Variants in ERBB4 observed in about 807,000 individuals in gnomAD.
ERBB4 encodes receptor tyrosine-protein kinase erbB-4.
In ERBB4, 42 loss-of-function variants were observed where a neutral mutation model predicts 158.0. That is an observed-to-expected ratio of 0.27 (90% CI 0.21 to 0.34). The LOEUF is 0.34. ERBB4 is among the 10% of genes least tolerant of loss of function. ERBB4 has a pLI of 1.00. For missense variants in ERBB4, 1,333 were observed against 1,624.1 expected, an observed-to-expected ratio of 0.82 and a Z score of 3.08; for synonymous variants, 583 against 558.7, an observed-to-expected ratio of 1.04 and a Z score of -0.61.
intron 4 of ERBB4, among the ~76,000 whole-genome samples, chr2:211,785,918 A>G (rs1356794348): frequency 1.3e-5 from 2 of 151,960 alleles, no homozygotes; most frequent in Admixed American, 1.3e-4. Flanking sequence ...TTTTGTGCTC[A>G]TTTTTTCTTC....
At chr2:212,140,364 T>C (rs879453885) in intron 1 of ERBB4, among the ~76,000 whole-genome samples, 8 of 120,616 alleles carry the variant, frequency 6.6e-5, no homozygotes, top group Non-Finnish European at 1.1e-4. Flanking sequence ...ATAATATATA[T>C]AGTAATATCT....
At chr2:212,111,749 A>G (rs898633547) in intron 2 of ERBB4, among the ~76,000 whole-genome samples, 1 of 152,054 alleles carries the variant, frequency 6.6e-6, no homozygotes, top group African/African-American at 2.4e-5. Context: ...CCCTTTTTTA[A>G]AAAAATACCA....
intron 2 of ERBB4, among the ~76,000 whole-genome samples, chr2:212,037,797 A>T (rs2077049732): frequency 6.6e-6 from 1 of 152,214 alleles, no homozygotes; most frequent in African/African-American, 2.4e-5. Context: ...TCTAATAGAC[A>T]TTAAATAACT....
intron 2 of ERBB4, among the ~76,000 whole-genome samples, chr2:211,950,076 G>A (rs1575423837): frequency 6.6e-6 from 1 of 152,010 alleles, no homozygotes; most frequent in African/African-American, 2.4e-5. Flanking sequence ...AATGCCTGTG[G>A]AGTGAAGAAA....
At chr2:211,514,079 C>A (rs570481721) in intron 20 of ERBB4, among the ~76,000 whole-genome samples, 137 of 152,214 alleles carry the variant, frequency 9.0e-4, no homozygotes, top group Non-Finnish European at 1.6e-3. Flanking sequence ...CTTATTCTTT[C>A]TATCTAACTG....
At chr2:212,381,712 T>C (rs1230784329) in intron 1 of ERBB4, among the ~76,000 whole-genome samples, 1 of 151,330 alleles carries the variant, frequency 6.6e-6, no homozygotes, top group Non-Finnish European at 1.5e-5. Flanking sequence ...TTGAGCTGTC[T>C]AGGCATCACT....
At chr2:211,406,529 T>G (rs1056595737) in intron 25 of ERBB4, among the ~76,000 whole-genome samples, 2 of 152,130 alleles carry the variant, frequency 1.3e-5, no homozygotes, top group Non-Finnish European at 2.9e-5. Flanking sequence ...CTCACTGATA[T>G]ACTCATCTTT....
At chr2:211,416,425 C>T (rs1559145716) in intron 25 of ERBB4, among the ~76,000 whole-genome samples, 1 of 151,986 alleles carries the variant, frequency 6.6e-6, no homozygotes, top group Non-Finnish European at 1.5e-5. Flanking sequence ...GAAAAGAAGG[C>T]CGCAATGGAA....
chr2:211,662,038 C>CAAAAAAAAAAAAAAAAAAAAAAAAAAA (rs61318918), intron 15 of ERBB4, among the ~76,000 whole-genome samples: 1 of 39,694 alleles, frequency 2.5e-5, no homozygotes, highest in South Asian at 1.2e-3. Context: ...GACTCCGTCT[C>CAAAAAAAAAAAAAAAAAAAAAAAAAAA]AAAAAAAAAA....
chr2:211,486,409 A>G (rs1018935610), intron 20 of ERBB4, among the ~76,000 whole-genome samples: 5 of 152,172 alleles, frequency 3.3e-5, no homozygotes, highest in African/African-American at 9.6e-5. Flanking sequence ...ATTCTAACAC[A>G]TTTAAAACTT....
chr2:212,043,436 G>A (rs1295929122), intron 2 of ERBB4, among the ~76,000 whole-genome samples: 3 of 152,054 alleles, frequency 2.0e-5, no homozygotes, highest in Non-Finnish European at 1.5e-5. Context: ...GCAAAGAGGA[G>A]GCAATACATT....
intron 2 of ERBB4, among the ~76,000 whole-genome samples, chr2:212,045,663 T>C (rs914386620): frequency 2.6e-5 from 4 of 152,104 alleles, no homozygotes; most frequent in African/African-American, 9.7e-5. Context: ...AGTACCAACA[T>C]GAAACGTCAA....
At chr2:212,151,468 T>C (rs751140398) in intron 1 of ERBB4, among the ~76,000 whole-genome samples, 1 of 151,522 alleles carries the variant, frequency 6.6e-6, no homozygotes, top group South Asian at 2.1e-4. Flanking sequence ...GCACTCCATA[T>C]ATATAAAACC....
At chr2:212,101,430 A>AT (rs944934434) in intron 2 of ERBB4, among the ~76,000 whole-genome samples, 7 of 150,688 alleles carry the variant, frequency 4.6e-5, no homozygotes, top group Admixed American at 4.0e-4. Context: ...GCGAAGAAAG[A>AT]TTTTTTTAAG....
At chr2:211,521,463 T>C (rs1419006054) in intron 20 of ERBB4, among the ~76,000 whole-genome samples, 1 of 152,090 alleles carries the variant, frequency 6.6e-6, no homozygotes, top group Admixed American at 6.5e-5. Flanking sequence ...TCATGAGGTA[T>C]AAGGAAAGAA....
At chr2:211,866,241 G>T (rs993556660) in intron 3 of ERBB4, among the ~76,000 whole-genome samples, 34 of 152,080 alleles carry the variant, frequency 2.2e-4, no homozygotes, top group African/African-American at 7.5e-4. Context: ...ACAGAGCGAG[G>T]CTCCATCTCA....
At chr2:211,938,774 A>T (rs552509032) in intron 3 of ERBB4, among the ~76,000 whole-genome samples, 37 of 152,302 alleles carry the variant, frequency 2.4e-4, no homozygotes, top group African/African-American at 8.7e-4. Context: ...TGTAGAGATA[A>T]TTTAGAATAG....
chr2:212,357,692 G>A (rs776797399), intron 1 of ERBB4, among the ~76,000 whole-genome samples: 1 of 151,630 alleles, frequency 6.6e-6, no homozygotes, highest in Non-Finnish European at 1.5e-5. Context: ...ACACTGTAGA[G>A]TGCAGAAACG....
chr2:212,014,502 T>TA (rs904015499), intron 2 of ERBB4, among the ~76,000 whole-genome samples: 9 of 151,958 alleles, frequency 5.9e-5, no homozygotes, highest in Non-Finnish European at 8.8e-5. Flanking sequence ...AGGTAGATGC[T>TA]AAAAAAAATA....
Sources: gnomAD v4.1 joint callset for allele counts (sites outside exome capture counted in the v4.1 genomes callset) on GRCh38, gnomAD v4.1.1 for gene constraint, MANE v1.5 for transcripts, NCBI Gene and HGNC (gene_info 2026-07-23, HGNC 2026-07-21) for gene names.